Variants in GALNS observed in about 807,000 individuals in gnomAD.
GALNS encodes galactosamine (N-acetyl)-6-sulfatase.
Under a neutral mutation model 65.9 loss-of-function variants are expected in GALNS, and 65 were observed. The ratio of observed to expected loss-of-function variants is 0.99; its 90% CI spans 0.81 to 1.21. GALNS has a LOEUF of 1.21. Among genes scored for constraint, GALNS ranks in the 50% most tolerant of loss-of-function variants. The pLI, the probability that GALNS is intolerant of heterozygous loss-of-function variation, is 0.00. For missense variants in GALNS, 776 were observed against 700.7 expected, an observed-to-expected ratio of 1.11 and a Z score of -1.21; for synonymous variants, 346 against 288.9, an observed-to-expected ratio of 1.20 and a Z score of -2.00.
chr16:88,835,921 C>T, intron 6 of GALNS, 72 bp from the exon 7 acceptor site: 7 of 1,608,116 alleles, frequency 4.4e-6, no homozygotes, highest in Non-Finnish European at 5.9e-6. Flanking sequence ...GTCCCCGTCC[C>T]CACACGTCCC....
In GALNS at chr16:88,842,965, G is replaced by C. The variant is rs763431926; in HGVS notation, c.121-136C>G. On this transcript the variant is annotated intron_variant, in intron 1 of 13. Coordinates refer to ENST00000268695, the MANE Select transcript of GALNS (RefSeq NM_000512.5). ...ACCCTGTGTCCCAGCCAGCGGCAGA[G>C]CTCGGCCAAACCCCAGCATCGCCTG... 9 of 1,529,792 alleles carry C rather than the reference G, an allele frequency of 5.9e-6. No individual in the cohort carries two copies. The African/African-American group carries it at 1.2e-4, about 21-fold the overall frequency. 94.8% of individuals were successfully genotyped at this position (1,529,792 alleles called of 1,614,324 possible).
Position 88,854,129 on chromosome 16 carries a change from A to C in GALNS, c.120+2629T>G, listed in dbSNP as rs568415983. Among the ~76,000 whole-genome samples the C allele has an allele frequency of 5.3e-5, 8 of 152,334 alleles. No individual in the cohort carries two copies. The East Asian group carries it at 1.5e-3, about 29-fold the overall frequency. On this transcript the variant is annotated intron_variant, in intron 1 of 13. Transcript: ENST00000268695. Reference sequence around the variant, plus strand: ...GCCGGTCCCTGGAGGGCCATGCTCCAAAATCTGAACTTGAGACATGCACAC... The same window carrying C: ...GCCGGTCCCTGGAGGGCCATGCTCCCAAATCTGAACTTGAGACATGCACAC...
rs908138458 is a variant in GALNS, at chr16:88,835,852, A to G, written c.634-3T>C. ...CTCTTAATGAAGTCCAGGGCTTCCT[A>G]TGGAGAGAGCCACACCGTCGTCCTC... On this transcript the variant is annotated splice_region_variant and splice_polypyrimidine_tract_variant and intron_variant, in intron 6 of 13. Transcript: ENST00000268695. 6.2e-7 allele frequency: 1 copy of G among 1,613,876 alleles called. No individual in the cohort carries two copies. The highest frequency in any genetic ancestry group is 8.5e-7 in the Non-Finnish European group (1 of 1,180,010).
Position 88,832,501 on chromosome 16 carries a change from G to C in GALNS, c.899-400C>G, listed in dbSNP as rs549060886. 2.6e-5 allele frequency among the ~76,000 whole-genome samples: 4 copies of C among 152,284 alleles called. No homozygotes were observed. In the East Asian group the frequency reaches 7.7e-4, roughly 29 times the overall value. On this transcript the variant is annotated intron_variant, in intron 8 of 13. Transcript: ENST00000268695. ...GCAGCCAACTTCTGGCCTCCCCATG[G>C]TTCTGACTCAGTCAGTCACGGTGGG...
At position 88,818,398 on chromosome 16, in the gene GALNS, C is replaced by A. The variant is rs1567513597; in HGVS notation, c.1365-274G>T. Among the ~76,000 whole-genome samples, 3 of 152,222 alleles carry A rather than the reference C, an allele frequency of 2.0e-5. No homozygotes were observed. The South Asian group carries it at 6.2e-4, about 31-fold the overall frequency. ...GCAGAGAGGCTGTGAGTAGAGCCGT[C>A]CCATCCTGTCCCTGCCTGTGACCAG... On this transcript the variant is annotated intron_variant, in intron 12 of 13. Coordinates refer to ENST00000268695, the MANE Select transcript of GALNS (RefSeq NM_000512.5).
intron 8 of GALNS, among the ~76,000 whole-genome samples, chr16:88,833,648 C>T (rs1018380583): frequency 6.6e-6 from 1 of 151,892 alleles, no homozygotes; most frequent in Non-Finnish European, 1.5e-5. Flanking sequence ...GATGGGGTTT[C>T]ACCGTGTTAG....
chr16:88,848,829 A>C (rs921181882), intron 1 of GALNS, among the ~76,000 whole-genome samples: 1 of 152,202 alleles, frequency 6.6e-6, no homozygotes, highest in African/African-American at 2.4e-5. Flanking sequence ...GGACCGCGGG[A>C]GGACAGTGGG....
chr16:88,826,033 T>TA (rs897588392), intron 10 of GALNS, among the ~76,000 whole-genome samples: 1 of 151,986 alleles, frequency 6.6e-6, no homozygotes, highest in Non-Finnish European at 1.5e-5. Flanking sequence ...GGACAGAAGG[T>TA]AAGAGCTGGG....
Position 88,822,623 on chromosome 16 carries a change from G to C in GALNS, c.1330C>G (p.Leu444Val), listed in dbSNP as rs568995509. The C allele has an allele frequency of 2.5e-6, 4 of 1,612,890 alleles. No homozygotes were observed. Among genetic ancestry groups the C allele is most frequent in the South Asian group, 2.2e-5 (2 of 91,086 alleles). ...DHTKLPLIFH[L>V]GRDPGERFPL... is the part of the protein sequence containing the mutation. ...AACCTCTCCCCTGGGTCCCGTCCCAGGTGGAAGATCAGGGGCAGCTTCGTG... is the reference window on the plus strand; with the variant it reads ...AACCTCTCCCCTGGGTCCCGTCCCACGTGGAAGATCAGGGGCAGCTTCGTG... Residue 444 changes from leucine to valine, a missense_variant, in exon 12 of 14, where the codon CTG becomes GTG. Coordinates refer to ENST00000268695, the MANE Select transcript of GALNS (RefSeq NM_000512.5).
chr16:88,828,061 G>A (rs556484347), intron 9 of GALNS, among the ~76,000 whole-genome samples: 5 of 152,260 alleles, frequency 3.3e-5, no homozygotes, highest in Admixed American at 6.5e-5. Context: ...GCAGCGCCCA[G>A]TGTGGGGCAG....
intron 8 of GALNS, among the ~76,000 whole-genome samples, chr16:88,833,774 G>A (rs1407741738): frequency 6.6e-6 from 1 of 152,194 alleles, no homozygotes; most frequent in East Asian, 1.9e-4. Context: ...CTTTCTCTGG[G>A]ATGTTCTGTT....
Position 88,814,350 on chromosome 16 carries a change from G to T in GALNS, c.*89C>A. On this transcript the variant is annotated 3_prime_UTR_variant, in exon 14 of 14. Coordinates refer to ENST00000268695, the MANE Select transcript of GALNS (RefSeq NM_000512.5). ...CTGTCTGTCTGGCTTGGGCAGGGTT[G>T]GGGGAGGACCGAGGCCAGAGCCATC... is the stretch of plus-strand genomic sequence containing the variant. 6.6e-7 allele frequency: 1 copy of T among 1,509,222 alleles called. No individual in the cohort carries two copies. The highest frequency in any genetic ancestry group is 2.0e-5 in the Admixed American group (1 of 50,914). The allele number at this position is 1,509,222 out of a possible 1,614,324, so 93.5% of individuals were successfully genotyped here. A position where few individuals can be genotyped will look rare whatever the true frequency, so the allele number is the denominator to read the frequency against.
chr16:88,835,574 A>C (rs1912034965), intron 7 of GALNS, 151 bp downstream of exon 7: 1 of 1,331,414 alleles, frequency 7.5e-7, no homozygotes, highest in African/African-American at 1.4e-5. Flanking sequence ...TCCTCTGCTG[A>C]TCCCAGGCCA....
At chr16:88,827,433 G>A (rs1038235407) in intron 9 of GALNS, among the ~76,000 whole-genome samples, 2 of 152,212 alleles carry the variant, frequency 1.3e-5, no homozygotes, top group Non-Finnish European at 2.9e-5. Flanking sequence ...CAGTGGCCCT[G>A]TCTGCTTCTT....
At chr16:88,835,669 G>T (rs1912042582) in intron 7 of GALNS, 56 bp downstream of exon 7, 20 of 1,611,054 alleles carry the variant, frequency 1.2e-5, no homozygotes, top group Non-Finnish European at 1.7e-5. Flanking sequence ...CATCTCTGGA[G>T]TCAAGCACAG....
intron 13 of GALNS, chr16:88,816,870 G>A (rs1909683424): frequency 1.0e-6 from 1 of 985,462 alleles, no homozygotes; most frequent in African/African-American, 1.7e-5. Flanking sequence ...CCCGAATCCT[G>A]CGCGGCAGAT....
chr16:88,824,489 G>GA (rs1482703137), intron 11 of GALNS, among the ~76,000 whole-genome samples: 2 of 152,310 alleles, frequency 1.3e-5, no homozygotes, highest in East Asian at 3.9e-4. Flanking sequence ...GAGGCCCATG[G>GA]GGGCCACCTG....
intron 9 of GALNS, 105 bp from the exon 10 acceptor site, chr16:88,826,943 C>G: frequency 7.4e-7 from 1 of 1,358,892 alleles, no homozygotes; most frequent in Non-Finnish European, 1.0e-6. Context: ...GCTGGGTCTA[C>G]AGATATGCAT....
At chr16:88,821,312 C>T (rs1206601788) in intron 12 of GALNS, among the ~76,000 whole-genome samples, 3 of 152,110 alleles carry the variant, frequency 2.0e-5, no homozygotes, top group Non-Finnish European at 2.9e-5. Context: ...CGTCTCGTCC[C>T]GTGGCCTTCA....
Sources: gnomAD v4.1 joint callset for allele counts (sites outside exome capture counted in the v4.1 genomes callset) on GRCh38, gnomAD v4.1.1 for gene constraint, MANE v1.5 for transcripts, NCBI Gene and HGNC (gene_info 2026-07-23, HGNC 2026-07-21) for gene names.